The following NOVA1 variants were observed in gnomAD, a reference collection of about 807,000 sequenced individuals.
NOVA1 encodes NOVA alternative splicing regulator 1, also known as RNA-binding protein Nova-1.
In NOVA1, 7 loss-of-function variants were observed where a neutral mutation model predicts 38.0. The ratio of observed to expected loss-of-function variants is 0.18; its 90% CI spans 0.10 to 0.35. NOVA1 has a LOEUF of 0.35. Among genes scored for constraint, NOVA1 ranks in the 10% least tolerant of loss-of-function variants. NOVA1 has a pLI of 1.00. For missense variants in NOVA1, 460 were observed against 616.0 expected (o/e 0.75, Z 2.68); for synonymous variants, 270 against 232.5 (o/e 1.16, Z -1.47).
intron 2 of NOVA1, among the ~76,000 whole-genome samples, chr14:26,568,225 C>G (rs1183951723): frequency 6.6e-6 from 1 of 152,078 alleles, no homozygotes; most frequent in Non-Finnish European, 1.5e-5. Context: ...AGGTAGTAAC[C>G]TAGAATTCCA....
At chr14:26,534,321 G>A (rs1267501972) in intron 2 of NOVA1, among the ~76,000 whole-genome samples, 1 of 152,084 alleles carries the variant, frequency 6.6e-6, no homozygotes, top group Non-Finnish European at 1.5e-5. Flanking sequence ...TGTTAAACAT[G>A]TTTGTCCAAG....
At position 26,502,449 on chromosome 14, in the gene NOVA1, A is replaced by C. The variant is rs373858569; in HGVS notation, c.281-22306T>G. Among the ~76,000 whole-genome samples, 35 of 152,058 alleles carry C rather than the reference A, an allele frequency of 2.3e-4. No individual in the cohort carries two copies. The East Asian group carries it at 5.0e-3, about 22-fold the overall frequency. On this transcript the variant is annotated intron_variant, in intron 2 of 4. Transcript: ENST00000539517. ...TTACTGTTTTTCATTGTATTTAAATATACAACAGTTAGAATTAAATAGTAT... is the reference window on the plus strand; with the variant it reads ...TTACTGTTTTTCATTGTATTTAAATCTACAACAGTTAGAATTAAATAGTAT...
At chr14:26,489,599 T>C (rs1886174366) in intron 2 of NOVA1, among the ~76,000 whole-genome samples, 2 of 151,998 alleles carry the variant, frequency 1.3e-5, no homozygotes, top group Non-Finnish European at 2.9e-5. Context: ...AAACTGTACA[T>C]ATACCAAGGC....
intron 2 of NOVA1, among the ~76,000 whole-genome samples, chr14:26,563,329 A>G (rs1891940072): frequency 6.9e-6 from 1 of 144,802 alleles, no homozygotes; most frequent in African/African-American, 2.7e-5. Context: ...TGTCACATTA[A>G]AAAAAAAAAA....
chr14:26,499,567 C>T (rs1349704537), intron 2 of NOVA1, among the ~76,000 whole-genome samples: 2 of 152,154 alleles, frequency 1.3e-5, no homozygotes, highest in East Asian at 1.9e-4. Context: ...CAGTGTGTAG[C>T]CTGTAAAAAA....
At chr14:26,526,723 G>A (rs939204524) in intron 2 of NOVA1, among the ~76,000 whole-genome samples, 1 of 152,014 alleles carries the variant, frequency 6.6e-6, no homozygotes, top group Non-Finnish European at 1.5e-5. Context: ...TAGAATCAAG[G>A]GGATAAGAGC....
In NOVA1 at chr14:26,591,881, T is replaced by A. The variant is rs1893869195; in HGVS notation, c.280+3529A>T. Among the ~76,000 whole-genome samples, 3 of 151,612 alleles carry A rather than the reference T, an allele frequency of 2.0e-5. No individual in the cohort carries two copies. In the South Asian group the frequency reaches 6.2e-4, roughly 31 times the overall value. ...AATTGAAATATAATGAATGTACAAA[T>A]AATAATTTCAAATTTTAAATTAAGA... On this transcript the variant is annotated intron_variant, in intron 2 of 4. Coordinates refer to ENST00000539517, the MANE Select transcript of NOVA1 (RefSeq NM_002515.3).
At chr14:26,574,277 C>G (rs1294738910) in intron 2 of NOVA1, among the ~76,000 whole-genome samples, 3 of 99,012 alleles carry the variant, frequency 3.0e-5, no homozygotes, top group East Asian at 4.1e-4. Context: ...ACCCCCCCCC[C>G]CCCGCCCCCT....
chr14:26,464,866 A>G (rs549645554), intron 4 of NOVA1, among the ~76,000 whole-genome samples: 2 of 152,260 alleles, frequency 1.3e-5, no homozygotes, highest in East Asian at 1.9e-4. Flanking sequence ...TAAAAATTGT[A>G]TATTACTTAA....
At chr14:26,518,259 TG>T (rs1227600892) in intron 2 of NOVA1, among the ~76,000 whole-genome samples, 1 of 152,074 alleles carries the variant, frequency 6.6e-6, no homozygotes, top group African/African-American at 2.4e-5. Context: ...GTTGGGATAA[TG>T]AGTAATGTTT....
chr14:26,470,635 G>A (rs1020786085), intron 4 of NOVA1: 3 of 521,196 alleles, frequency 5.8e-6, no homozygotes, highest in Admixed American at 3.3e-5. Flanking sequence ...TTATCTAGAG[G>A]GTGAAAATAC....
At chr14:26,549,813 G>T in intron 2 of NOVA1, 1 of 1,155,060 alleles carries the variant, frequency 8.7e-7, no homozygotes, top group Non-Finnish European at 1.2e-6. Flanking sequence ...AACAGTTGCT[G>T]CGTTCCACCT....
chr14:26,475,563 A>C (rs1404438628), intron 3 of NOVA1, among the ~76,000 whole-genome samples: 1 of 152,198 alleles, frequency 6.6e-6, no homozygotes, highest in Non-Finnish European at 1.5e-5. Flanking sequence ...TGAAGGACAG[A>C]CTCAGTTTTC....
At chr14:26,470,598 A>G (rs1209152716) in intron 4 of NOVA1, 1 of 764,256 alleles carries the variant, frequency 1.3e-6, no homozygotes, top group Non-Finnish European at 2.2e-6. Flanking sequence ...AGCAAAATTT[A>G]GATTTGGCAA....
rs1329753404 is a variant in NOVA1 at position 26,447,751 on chromosome 14, G to C, written c.*208C>G. 2 of 588,382 alleles carry C rather than the reference G, an allele frequency of 3.4e-6. No individual in the cohort carries two copies. The highest frequency in any genetic ancestry group is 3.0e-6 in the Non-Finnish European group (1 of 330,914). The allele number at this position is 588,382 out of a possible 1,614,324, so 36.4% of individuals were successfully genotyped here. A position where few individuals can be genotyped will look rare whatever the true frequency, so the allele number is the denominator to read the frequency against. ...CAAATATACACAAGCAAAGTATAGA[G>C]AACAAAACAGATCAAGAAAAAATTC... is the stretch of plus-strand genomic sequence containing the variant. On this transcript the variant is annotated 3_prime_UTR_variant, in exon 5 of 5. Coordinates refer to ENST00000539517, the MANE Select transcript of NOVA1 (RefSeq NM_002515.3).
At chr14:26,462,455 GGC>G (rs1234767413) in intron 4 of NOVA1, among the ~76,000 whole-genome samples, 1 of 150,906 alleles carries the variant, frequency 6.6e-6, no homozygotes, top group Non-Finnish European at 1.5e-5. Context: ...CATTTCAAGA[GGC>G]GTCATGAAAT....
chr14:26,485,828 T>A (rs1403284704), intron 2 of NOVA1, among the ~76,000 whole-genome samples: 1 of 152,088 alleles, frequency 6.6e-6, no homozygotes, highest in African/African-American at 2.4e-5. Flanking sequence ...TAGTGTAGAG[T>A]AAGTCATTTG....
rs1882343619 is a variant in NOVA1 at position 26,448,711 on chromosome 14, C to T, written c.772G>A (p.Val258Met). Residue 258 changes from valine (V) to methionine (M), a missense_variant, in exon 5 of 5, where the codon GTG becomes ATG. Val to Met is a conservative substitution (Grantham distance 21). Transcript: ENST00000539517. The surrounding 1 kb of genome is among the most constrained non-coding windows in gnomAD (Gnocchi z 5.3). ...GSCLNISYANVTGPVANSNPT... is the reference protein window; with the variant it reads ...GSCLNISYANMTGPVANSNPT... Reference sequence around the variant, plus strand: ...TTGGAATTTGCCACTGGACCTGTCACATTGGCATAACTGATATTGAGACAG... The same window carrying T: ...TTGGAATTTGCCACTGGACCTGTCATATTGGCATAACTGATATTGAGACAG... 1 of 1,614,218 alleles carries T rather than the reference C, an allele frequency of 6.2e-7. No individual in the cohort carries two copies. The highest frequency in any genetic ancestry group is 8.5e-7 in the Non-Finnish European group (1 of 1,180,032).
In NOVA1 at chr14:26,490,813, C is replaced by G. The variant is rs183992061; in HGVS notation, c.281-10670G>C. 3.7e-3 allele frequency among the ~76,000 whole-genome samples: 554 copies of G among 148,032 alleles called. 3 individuals are homozygous for G. Among genetic ancestry groups the G allele is most frequent in the African/African-American group, 0.013 (530 of 40,332 alleles). ...CCCAGCTCAGCCCCAAGTAGGTGAA[C>G]TACAGGTGCGCACCATCACATCTGG... On this transcript the variant is annotated intron_variant, in intron 2 of 4. Transcript: ENST00000539517.
Sources: gnomAD v4.1 joint callset for allele counts (sites outside exome capture counted in the v4.1 genomes callset) on GRCh38, gnomAD v4.1.1 for gene constraint, Gnocchi (gnomAD v3.1) non-coding constraint, MANE v1.5 for transcripts, NCBI Gene and HGNC (gene_info 2026-07-23, HGNC 2026-07-21) for gene names.